AKAP13: variants seen among roughly 807,000 people sequenced by gnomAD.
The protein encoded by AKAP13 is A-kinase anchor protein 13.
Under a neutral mutation model 264.5 loss-of-function variants are expected in AKAP13, and 80 were observed. The observed-to-expected ratio is 0.30, with a 90% CI of 0.25 to 0.36. AKAP13 has a LOEUF of 0.36. AKAP13 is among the 10% of genes least tolerant of loss of function. AKAP13 has a pLI of 1.00. For missense variants in AKAP13, 3,712 were observed against 3,435.2 expected (o/e 1.08, Z -2.01); for synonymous variants, 1,380 against 1,250.2 (o/e 1.10, Z -2.19).
chr15:85,565,174 C>CA (rs1292909981), intron 5 of AKAP13, among the ~76,000 whole-genome samples: 2 of 152,158 alleles, frequency 1.3e-5, no homozygotes, highest in East Asian at 3.9e-4. Context: ...GCCTGTACTG[C>CA]ATCATTGCCA....
At chr15:85,487,983 G>A (rs1442862548) in intron 2 of AKAP13, among the ~76,000 whole-genome samples, 1 of 152,184 alleles carries the variant, frequency 6.6e-6, no homozygotes, top group South Asian at 2.1e-4. Flanking sequence ...CTGTAGCTGC[G>A]ATCTCCCAGG....
intron 8 of AKAP13, among the ~76,000 whole-genome samples, chr15:85,603,843 C>T (rs1387551700): frequency 6.6e-6 from 1 of 152,198 alleles, no homozygotes; most frequent in African/African-American, 2.4e-5. Flanking sequence ...TTATACTCTT[C>T]TCCTTCCCCA....
chr15:85,682,091 TA>T, intron 14 of AKAP13, 66 bp from the exon 15 acceptor site: 1 of 1,440,926 alleles, frequency 6.9e-7, no homozygotes, highest in Admixed American at 1.7e-5. Flanking sequence ...TGTGAATTTA[TA>T]AATATTCTAC....
intron 17 of AKAP13, among the ~76,000 whole-genome samples, chr15:85,693,723 C>T (rs1409832135): frequency 6.6e-6 from 1 of 152,176 alleles, no homozygotes; most frequent in Non-Finnish European, 1.5e-5. Context: ...AAGCAATACA[C>T]GTTCAGTAGA....
Position 85,698,772 on chromosome 15 carries a change from C to T in AKAP13, c.5464+5321C>T, listed in dbSNP as rs369914868. 3.2e-3 allele frequency among the ~76,000 whole-genome samples: 491 copies of T among 151,500 alleles called. 4 individuals are homozygous for T. The highest frequency in any genetic ancestry group is 0.021 in the South Asian group (99 of 4,790). On this transcript the variant is annotated intron_variant, in intron 17 of 36. Coordinates refer to ENST00000394518, the MANE Select transcript of AKAP13 (RefSeq NM_007200.5). ...CAGCCTGGCCAACATGGTGAAACCC[C>T]GTCTCTACTAAAAATACAGAAATCA...
intron 5 of AKAP13, among the ~76,000 whole-genome samples, chr15:85,565,023 T>G (rs1486277806): frequency 1.3e-5 from 2 of 152,178 alleles, no homozygotes; most frequent in African/African-American, 4.8e-5. Context: ...ACAATATTAA[T>G]TACCTCATGA....
Position 85,438,246 on chromosome 15 carries a change from A to C in AKAP13, c.-11-47464A>C, listed in dbSNP as rs1467485042. Among the ~76,000 whole-genome samples the C allele has an allele frequency of 1.5e-5, 2 of 133,566 alleles. 1 individual carries two copies. Among genetic ancestry groups the C allele is most frequent in the African/African-American group, 6.4e-5 (2 of 31,464 alleles). 87.6% of individuals were successfully genotyped at this position (133,566 alleles called of 152,430 possible). A position where few individuals can be genotyped will look rare whatever the true frequency, so the allele number is the denominator to read the frequency against. On this transcript the variant is annotated intron_variant, in intron 1 of 36. Coordinates refer to ENST00000394518, the MANE Select transcript of AKAP13 (RefSeq NM_007200.5). ...CTTCAAAGAGAATAAAATACCTAGGAATCCAACTTAAAAGGGATGTGAAGG... is the reference window on the plus strand; with the variant it reads ...CTTCAAAGAGAATAAAATACCTAGGCATCCAACTTAAAAGGGATGTGAAGG...
chr15:85,388,772 G>A (rs148410238), intron 1 of AKAP13, among the ~76,000 whole-genome samples: 13 of 151,974 alleles, frequency 8.6e-5, no homozygotes, highest in African/African-American at 2.4e-4. Flanking sequence ...TTTGTTTCCC[G>A]TTATGTTCAT....
At chr15:85,449,915 A>G (rs986268052) in intron 1 of AKAP13, among the ~76,000 whole-genome samples, 2 of 152,118 alleles carry the variant, frequency 1.3e-5, no homozygotes, top group Non-Finnish European at 2.9e-5. Context: ...TTTGGTATCA[A>G]GATGATGCTG....
intron 1 of AKAP13, chr15:85,381,590 CTT>C (rs1404428314): frequency 1.1e-5 from 1 of 90,636 alleles, no homozygotes; most frequent in Non-Finnish European, 2.0e-5. Context: ...AACCCTAAAA[CTT>C]TTTAAAAAAA....
intron 1 of AKAP13, among the ~76,000 whole-genome samples, chr15:85,465,891 T>C (rs945252559): frequency 1.3e-5 from 2 of 148,436 alleles, no homozygotes; most frequent in African/African-American, 5.0e-5. Context: ...CTGGGTCAAA[T>C]GGTATTTCTA....
rs1567178029 is a variant in AKAP13, at chr15:85,655,778, A to G, written c.4736A>G (p.Asn1579Ser). 6 of 1,607,354 alleles carry G rather than the reference A, an allele frequency of 3.7e-6. No individual in the cohort carries two copies. Among genetic ancestry groups the G allele is most frequent in the East Asian group, 2.2e-5 (1 of 44,676 alleles). ...GKNAASDAEM[N>S]HRSSMRVLGD... ...AATGCAGCCAGCGATGCAGAAATGA[A>G]CCACCGGAGGTGAGATGGGAGGCGG... is the stretch of plus-strand genomic sequence containing the variant. Residue 1579 changes from asparagine (N) to serine (S), a missense_variant, in exon 11 of 37, where the codon AAC becomes AGC. Transcript: ENST00000394518.
intron 1 of AKAP13, among the ~76,000 whole-genome samples, chr15:85,381,222 G>A (rs2070229103): frequency 6.6e-6 from 1 of 152,114 alleles, no homozygotes; most frequent in Non-Finnish European, 1.5e-5. Flanking sequence ...GGCGGCCGCG[G>A]TGTGGAGTCC....
At chr15:85,399,539 T>TAAAA (rs2071320859) in intron 1 of AKAP13, among the ~76,000 whole-genome samples, 3 of 87,842 alleles carry the variant, frequency 3.4e-5, no homozygotes, top group South Asian at 3.8e-4. Flanking sequence ...AATAAAAAAA[T>TAAAA]AAATAAATAA....
At chr15:85,621,680 T>G (rs1596755255) in intron 8 of AKAP13, among the ~76,000 whole-genome samples, 1 of 152,180 alleles carries the variant, frequency 6.6e-6, no homozygotes, top group South Asian at 2.1e-4. Context: ...AGAGTTGCTG[T>G]TTTATAGTTT....
At chr15:85,697,621 A>T (rs766724780) in intron 17 of AKAP13, among the ~76,000 whole-genome samples, 3 of 152,214 alleles carry the variant, frequency 2.0e-5, no homozygotes, top group Non-Finnish European at 4.4e-5. Flanking sequence ...TCTATAATGG[A>T]AGAAAAAGAC....
chr15:85,405,824 C>T lies in AKAP13; in HGVS notation c.-12+25026C>T, dbSNP rs75418356. Among the ~76,000 whole-genome samples, 311 of 152,262 alleles carry T rather than the reference C, an allele frequency of 2.0e-3. 3 individuals are homozygous for T. Among genetic ancestry groups the T allele is most frequent in the African/African-American group, 7.2e-3 (299 of 41,544 alleles). ...GTACTCTCTGTTGCATGTCATACTA[C>T]TGGTAGAATACCTGCCCTCACCCCC... is the stretch of plus-strand genomic sequence containing the variant. On this transcript the variant is annotated intron_variant, in intron 1 of 36. Transcript: ENST00000394518.
intron 1 of AKAP13, among the ~76,000 whole-genome samples, chr15:85,419,599 A>C (rs945274441): frequency 6.6e-6 from 1 of 152,180 alleles, no homozygotes; most frequent in African/African-American, 2.4e-5. Flanking sequence ...GAGAATAAAA[A>C]ATTTTCCAAG....
At position 85,740,511 on chromosome 15, in the gene AKAP13, A is replaced by G. The variant is rs991148080; in HGVS notation, c.7608+239A>G. On this transcript the variant is annotated intron_variant, in intron 34 of 36. Transcript: ENST00000394518. The stretch of plus-strand genomic sequence containing the variant: ...GCTTGATAACCATGCTACAAATCAC[A>G]TAGCATGCTAACATGCATCTGGGAG... The G allele has an allele frequency of 2.9e-5, 15 of 512,906 alleles. No homozygotes were observed. In the South Asian group the frequency reaches 4.0e-4, roughly 14 times the overall value. The allele number at this position is 512,906 out of a possible 1,614,324, so 31.8% of individuals were successfully genotyped here. A position where few individuals can be genotyped will look rare whatever the true frequency, so the allele number is the denominator to read the frequency against.
Sources: gnomAD v4.1 joint callset for allele counts (sites outside exome capture counted in the v4.1 genomes callset) on GRCh38, gnomAD v4.1.1 for gene constraint, MANE v1.5 for transcripts, NCBI Gene and HGNC (gene_info 2026-07-23, HGNC 2026-07-21) for gene names.